Variants in SPOCK1 observed in about 807,000 individuals in gnomAD.
SPOCK1 encodes the protein SPARC (osteonectin), cwcv and kazal like domains proteoglycan 1.
In SPOCK1, 23 loss-of-function variants were observed where a neutral mutation model predicts 55.3. The ratio of observed to expected loss-of-function variants is 0.42; its 90% confidence interval spans 0.30 to 0.59. SPOCK1 has a LOEUF of 0.59. Among genes scored for constraint, SPOCK1 ranks in the 20% least tolerant of loss-of-function variants. The pLI is 0.22. For synonymous variants in SPOCK1, 226 were observed against 221.0 expected (o/e 1.02, Z -0.20); for missense variants, 499 against 552.5 (o/e 0.90, Z 0.97).
At chr5:137,438,785 T>C (rs1349951265) in intron 2 of SPOCK1, among the ~76,000 whole-genome samples, 1 of 152,218 alleles carries the variant, frequency 6.6e-6, no homozygotes. Context: ...GCTGCTGAAT[T>C]GCAGAGAGAG....
chr5:137,281,438 A>G (rs1350945902), intron 2 of SPOCK1, among the ~76,000 whole-genome samples: 2 of 152,226 alleles, frequency 1.3e-5, no homozygotes, highest in Non-Finnish European at 2.9e-5. Flanking sequence ...AACCCTTATA[A>G]TTAGCCTGTT....
In SPOCK1 at chr5:137,376,749, T is replaced by A. The variant is rs537413818; in HGVS notation, c.187-109694A>T. 2.0e-5 allele frequency among the ~76,000 whole-genome samples: 3 copies of A among 152,328 alleles called. No homozygotes were observed. In the South Asian group the frequency reaches 6.2e-4, roughly 32 times the overall value. Reference sequence around the variant, plus strand: ...TGCCAGTTTCTTCTTTAAATACTGCTGTATACTGACTCTCTGCAAGCTGTC... The same window carrying A: ...TGCCAGTTTCTTCTTTAAATACTGCAGTATACTGACTCTCTGCAAGCTGTC... On this transcript the variant is annotated intron_variant, in intron 2 of 10. Transcript: ENST00000394945.
At chr5:137,207,587 G>C (rs914442546) in intron 3 of SPOCK1, among the ~76,000 whole-genome samples, 2 of 152,134 alleles carry the variant, frequency 1.3e-5, no homozygotes, top group Non-Finnish European at 2.9e-5. Flanking sequence ...ACACCACTGT[G>C]GGTGGACTTA....
chr5:137,243,731 T>A (rs1031554947), intron 3 of SPOCK1, among the ~76,000 whole-genome samples: 8 of 152,174 alleles, frequency 5.3e-5, no homozygotes, highest in Non-Finnish European at 4.4e-5. Flanking sequence ...ATCTGCTAAA[T>A]CCCTTATTAT....
chr5:137,160,357 A>C (rs1016728761), intron 3 of SPOCK1, among the ~76,000 whole-genome samples: 1 of 133,074 alleles, frequency 7.5e-6, no homozygotes, highest in Non-Finnish European at 1.5e-5. Flanking sequence ...ATATTATATA[A>C]ATATATAAAT....
At chr5:137,062,495 C>G (rs1479888075) in intron 6 of SPOCK1, among the ~76,000 whole-genome samples, 2 of 150,136 alleles carry the variant, frequency 1.3e-5, no homozygotes, top group Non-Finnish European at 3.0e-5. Context: ...TGAGAGACCT[C>G]TATTTCCTCT....
At chr5:136,981,538 T>A (rs1197091371) in intron 9 of SPOCK1, among the ~76,000 whole-genome samples, 1 of 152,224 alleles carries the variant, frequency 6.6e-6, no homozygotes, top group African/African-American at 2.4e-5. Flanking sequence ...CATTTCTAGA[T>A]ATTTTGTAGA....
At chr5:136,991,748 T>C (rs969467620) in intron 7 of SPOCK1, among the ~76,000 whole-genome samples, 1 of 152,244 alleles carries the variant, frequency 6.6e-6, no homozygotes, top group Non-Finnish European at 1.5e-5. Context: ...TATACCTAAC[T>C]GCCTTTGAAT....
At chr5:137,176,639 T>G (rs900059922) in intron 3 of SPOCK1, among the ~76,000 whole-genome samples, 1 of 152,112 alleles carries the variant, frequency 6.6e-6, no homozygotes. Flanking sequence ...TGTTAAGTCC[T>G]CAGAAAGATG....
At chr5:137,207,463 G>A (rs1404981800) in intron 3 of SPOCK1, among the ~76,000 whole-genome samples, 1 of 152,216 alleles carries the variant, frequency 6.6e-6, no homozygotes, top group Non-Finnish European at 1.5e-5. Context: ...CTAACTGCAG[G>A]AAGAGGTATA....
intron 3 of SPOCK1, among the ~76,000 whole-genome samples, chr5:137,242,644 G>A (rs1366290600): frequency 6.6e-6 from 1 of 152,172 alleles, no homozygotes; most frequent in Admixed American, 6.5e-5. Flanking sequence ...AGGCTGAGGT[G>A]GGAGAATCAC....
chr5:137,383,947 G>T (rs1751537278), intron 2 of SPOCK1, among the ~76,000 whole-genome samples: 1 of 152,126 alleles, frequency 6.6e-6, no homozygotes, highest in African/African-American at 2.4e-5. Context: ...ACCACAAAAG[G>T]CACACACTGT....
intron 3 of SPOCK1, among the ~76,000 whole-genome samples, chr5:137,143,572 G>T: frequency 6.6e-6 from 1 of 152,174 alleles, no homozygotes; most frequent in Non-Finnish European, 1.5e-5. Flanking sequence ...ACCTGCTATT[G>T]CTTGGTGGTT....
At chr5:137,307,836 G>A (rs1225889548) in intron 2 of SPOCK1, among the ~76,000 whole-genome samples, 1 of 152,210 alleles carries the variant, frequency 6.6e-6, no homozygotes, top group African/African-American at 2.4e-5. Flanking sequence ...AGACTAGAAC[G>A]CTGTGCTGCA....
intron 2 of SPOCK1, among the ~76,000 whole-genome samples, chr5:137,456,600 G>A (rs913921985): frequency 6.6e-6 from 1 of 152,050 alleles, no homozygotes; most frequent in Admixed American, 6.6e-5. Flanking sequence ...CTTACTAAAC[G>A]ATATTATGTT....
chr5:137,111,731 T>G (rs1859345), intron 5 of SPOCK1, among the ~76,000 whole-genome samples: 2 of 152,118 alleles, frequency 1.3e-5, no homozygotes, highest in South Asian at 2.1e-4. Context: ...ATCCTATTAT[T>G]AGAGCTTAGG....
At chr5:137,266,230 T>C (rs1024536511) in intron 3 of SPOCK1, among the ~76,000 whole-genome samples, 4 of 152,208 alleles carry the variant, frequency 2.6e-5, no homozygotes, top group Non-Finnish European at 5.9e-5. Context: ...CTCAGAAGAA[T>C]GAACACTTTG....
At chr5:136,983,155 G>A (rs139623398) in intron 9 of SPOCK1, among the ~76,000 whole-genome samples, 3 of 152,228 alleles carry the variant, frequency 2.0e-5, no homozygotes, top group East Asian at 3.9e-4. Flanking sequence ...AGCTTTCTAT[G>A]CCCTAATTTA....
At chr5:137,102,034 C>A (rs914977179) in intron 5 of SPOCK1, among the ~76,000 whole-genome samples, 3 of 152,128 alleles carry the variant, frequency 2.0e-5, no homozygotes, top group African/African-American at 7.2e-5. Context: ...CAGGCTCATG[C>A]GGCCATAGCA....
Sources: gnomAD v4.1 joint callset for allele counts (sites outside exome capture counted in the v4.1 genomes callset) on GRCh38, gnomAD v4.1.1 for gene constraint, MANE v1.5 for transcripts, NCBI Gene and HGNC (gene_info 2026-07-23, HGNC 2026-07-21) for gene names.